Variants in TRMT6 observed in about 807,000 individuals in gnomAD.
TRMT6 encodes tRNA methyltransferase 6 non-catalytic subunit.
Under a neutral mutation model 59.0 loss-of-function variants are expected in TRMT6, and 34 were observed. That is an observed-to-expected ratio of 0.58 (90% CI 0.44 to 0.77). The LOEUF is 0.77. Among genes scored for constraint, TRMT6 ranks in the 30% least tolerant of loss-of-function variants. The probability of loss-of-function intolerance (pLI) is 0.00; values close to 1 mark genes in which losing one functional copy is unlikely to be tolerated. For missense variants in TRMT6, 575 were observed against 604.5 expected (o/e 0.95, Z 0.51); for synonymous variants, 217 against 210.5 (o/e 1.03, Z -0.27).
intron 10 of TRMT6, 121 bp from the exon 11 acceptor site, chr20:5,938,847 T>G (rs2088631290): frequency 1.1e-6 from 1 of 888,754 alleles, no homozygotes; most frequent in South Asian, 2.2e-5. Context: ...AAATGGACAT[T>G]TTTTTTTCTT....
chr20:5,942,868 G>T, intron 6 of TRMT6, 82 bp from the exon 7 acceptor site: 1 of 1,014,458 alleles, frequency 9.9e-7, no homozygotes, highest in Non-Finnish European at 1.5e-6. Flanking sequence ...CCACAGTAAT[G>T]AGACTGAAGG....
chr20:5,943,165 G>A (rs1009801159), intron 6 of TRMT6, among the ~76,000 whole-genome samples: 16 of 144,132 alleles, frequency 1.1e-4, no homozygotes, highest in African/African-American at 4.3e-4. Flanking sequence ...GACAAATCAG[G>A]CTGTGTTGTA....
intron 10 of TRMT6, among the ~76,000 whole-genome samples, chr20:5,939,231 C>G (rs1025167595): frequency 1.3e-5 from 2 of 151,984 alleles, no homozygotes; most frequent in Non-Finnish European, 2.9e-5. Flanking sequence ...GCCTGTAATC[C>G]CAGCACTTTG....
chr20:5,944,775 A>G (rs368159008), intron 3 of TRMT6, 30 bp downstream of exon 3: 517 of 1,580,470 alleles, frequency 3.3e-4, no homozygotes, highest in Non-Finnish European at 4.3e-4. Flanking sequence ...AAACAGACAA[A>G]AACAAAACTA....
In TRMT6 at chr20:5,950,384, G is replaced by T; in HGVS notation, c.22C>A (p.Pro8Thr). The T allele has an allele frequency of 6.2e-7, 1 of 1,605,606 alleles. No homozygotes were observed. The highest frequency in any genetic ancestry group is 8.5e-7 in the Non-Finnish European group (1 of 1,179,630). The change falls in exon 1 of 11, where the codon CCG (proline) becomes ACG (threonine). Residue 8 changes from proline (P) to threonine (T), a missense_variant. By Grantham distance (38) the Pro-to-Thr change is conservative (BLOSUM62 -1). Transcript: ENST00000203001. MEGSGEQ[P>T]GPQPQHPGDH... ...CCGGGATGCTGTGGTTGTGGGCCCG[G>T]CTGCTCCCCTGAGCCCTCCATGACG... is the stretch of plus-strand genomic sequence containing the variant.
chr20:5,938,371 G>T lies in TRMT6; in HGVS notation c.*164C>A. On this transcript the variant is annotated 3_prime_UTR_variant, in exon 11 of 11. Transcript: ENST00000203001. ...CAGTTTTGACAGACCAAATGCATCT[G>T]TGTCAGAAATAGACAAAAGGCATAT... The T allele has an allele frequency of 1.4e-6, 1 of 706,570 alleles. No homozygotes were observed. 43.8% of individuals were successfully genotyped at this position (706,570 alleles called of 1,614,324 possible).
rs781196377 is a variant in TRMT6, at chr20:5,944,810, C to T, written c.361G>A (p.Gly121Arg). 1 of 1,610,588 alleles carries T rather than the reference C, an allele frequency of 6.2e-7. No homozygotes were observed. The highest frequency in any genetic ancestry group is 1.1e-5 in the South Asian group (1 of 90,956). ...IKALKDKGIK[G>R]EEIVQQLIEN... is the part of the protein sequence containing the mutation. Reference sequence around the variant, plus strand: ...AAAAATCCTTTGAATATTACCTCTCCTTTAATGCCCTTGTCCTTCAAAGCT... The same window carrying T: ...AAAAATCCTTTGAATATTACCTCTCTTTTAATGCCCTTGTCCTTCAAAGCT... Residue 121 changes from glycine to arginine, a missense_variant, in exon 3 of 11, where the codon GGA becomes AGA. Coordinates refer to ENST00000203001, the MANE Select transcript of TRMT6 (RefSeq NM_015939.5).
At chr20:5,946,651 T>C in intron 1 of TRMT6, 118 bp from the exon 2 acceptor site, 1 of 911,236 alleles carries the variant, frequency 1.1e-6, no homozygotes, top group South Asian at 1.7e-5. Flanking sequence ...CAGCATTATC[T>C]CTGAACATAA....
Position 5,950,508 on chromosome 20 carries a change from C to T in TRMT6, c.-103G>A, listed in dbSNP as rs1315848214. The T allele has an allele frequency of 3.8e-6, 5 of 1,304,128 alleles. No homozygotes were observed. Among genetic ancestry groups the T allele is most frequent in the African/African-American group, 1.5e-5 (1 of 66,150 alleles). The allele number at this position is 1,304,128 out of a possible 1,614,324, so 80.8% of individuals were successfully genotyped here. On this transcript the variant is annotated 5_prime_UTR_variant, in exon 1 of 11. Transcript: ENST00000203001. ...ACAACCTGGCGCACTAGGAGCCCTC[C>T]GACCGGCACCGCCCCCACGTGTTGC...
At position 5,938,658 on chromosome 20, in the gene TRMT6, G is replaced by A. The variant is rs772762572; in HGVS notation, c.1371C>T (p.Phe457=). ...SGGGGYLLSG[F]TVAMDNLKAD... Reference sequence around the variant, plus strand: ...CTTTAAGGTTGTCCATGGCAACGGTGAAGCCGGAGAGAAGATAACCCCCAC... The same window carrying A: ...CTTTAAGGTTGTCCATGGCAACGGTAAAGCCGGAGAGAAGATAACCCCCAC... Residue 457 remains phenylalanine, a synonymous_variant, in exon 11 of 11, where the codon TTC becomes TTT. Coordinates refer to ENST00000203001, the MANE Select transcript of TRMT6 (RefSeq NM_015939.5). 1.2e-6 allele frequency: 2 copies of A among 1,614,248 alleles called. No homozygotes were observed. The highest frequency in any genetic ancestry group is 8.5e-7 in the Non-Finnish European group (1 of 1,180,042).
intron 1 of TRMT6, among the ~76,000 whole-genome samples, chr20:5,946,946 T>C (rs533769564): frequency 2.0e-5 from 3 of 152,242 alleles, no homozygotes; most frequent in African/African-American, 7.2e-5. Context: ...TCCTATGACA[T>C]AGATTTTTTA....
In TRMT6 at chr20:5,942,448, T is replaced by G. The variant is rs1398171597; in HGVS notation, c.1006A>C (p.Arg336=). 8.7e-6 allele frequency: 14 copies of G among 1,614,058 alleles called. No homozygotes were observed. Among genetic ancestry groups the G allele is most frequent in the East Asian group, 2.2e-5 (1 of 44,886 alleles). Reference sequence around the variant, plus strand: ...CTTACATAATCTTTTTTGCTTCCTCTCTCTTTAGGCCCCTTATGTTCTGGA... The same window carrying G: ...CTTACATAATCTTTTTTGCTTCCTCGCTCTTTAGGCCCCTTATGTTCTGGA... The part of the protein sequence containing the change: ...QDPEHKGPKE[R]GSKKDYIQEK... Residue 336 remains arginine (R), a synonymous_variant, in exon 7 of 11, where the codon AGA becomes CGA. Coordinates refer to ENST00000203001, the MANE Select transcript of TRMT6 (RefSeq NM_015939.5).
rs236176 is a variant in TRMT6, at chr20:5,942,175, T to C, written c.1027-139A>G. The C allele has an allele frequency of 0.15, 125,063 of 810,896 alleles. 14,364 individuals carry two copies. The highest frequency in any genetic ancestry group is 0.48 in the African/African-American group (27,654 of 57,970). The allele number at this position is 810,896 out of a possible 1,614,324, so 50.2% of individuals were successfully genotyped here. On this transcript the variant is annotated intron_variant, in intron 7 of 10. Coordinates refer to ENST00000203001, the MANE Select transcript of TRMT6 (RefSeq NM_015939.5). ...TAGAAGCAGGTTGTTTATAAGGAAGTTGCAAATACACAAGAAAGCCTATAT... is the reference window on the plus strand; with the variant it reads ...TAGAAGCAGGTTGTTTATAAGGAAGCTGCAAATACACAAGAAAGCCTATAT...
chr20:5,943,846 T>C, intron 5 of TRMT6, 102 bp downstream of exon 5: 2 of 1,525,830 alleles, frequency 1.3e-6, no homozygotes, highest in Non-Finnish European at 1.8e-6. Flanking sequence ...GGTAGGAGGA[T>C]ACTTTATGCA....
intron 10 of TRMT6, among the ~76,000 whole-genome samples, chr20:5,939,165 A>T (rs867884164): frequency 6.6e-6 from 1 of 152,128 alleles, no homozygotes; most frequent in Non-Finnish European, 1.5e-5. Flanking sequence ...AAGTGTAGAA[A>T]TTGGTTTAAT....
intron 2 of TRMT6, among the ~76,000 whole-genome samples, chr20:5,945,602 T>C (rs1051952738): frequency 2.0e-5 from 3 of 152,230 alleles, no homozygotes; most frequent in Non-Finnish European, 4.4e-5. Flanking sequence ...TCTTATGAAC[T>C]GCTATAATTG....
In TRMT6 at chr20:5,938,670, A is replaced by C. The variant is rs1337971691; in HGVS notation, c.1359T>G (p.Leu453=). 1 of 1,614,112 alleles carries C rather than the reference A, an allele frequency of 6.2e-7. No individual in the cohort carries two copies. Among genetic ancestry groups the C allele is most frequent in the African/African-American group, 1.3e-5 (1 of 74,948 alleles). Residue 453 remains leucine (L), a synonymous_variant, in exon 11 of 11, where the codon CTT becomes CTG. Transcript: ENST00000203001. ...KLLMSGGGGY[L]LSGFTVAMDN... is the part of the protein sequence containing the mutation. ...CCATGGCAACGGTGAAGCCGGAGAG[A>C]AGATAACCCCCACCTCCACTCATCA...
chr20:5,944,571 T>G (rs2088688464), intron 3 of TRMT6, among the ~76,000 whole-genome samples: 1 of 152,238 alleles, frequency 6.6e-6, no homozygotes, highest in East Asian at 1.9e-4. Context: ...AATCCTGATA[T>G]GCACTGTTAT....
Position 5,944,896 on chromosome 20 carries a change from G to C in TRMT6, c.275C>G (p.Thr92Ser), listed in dbSNP as rs747394586. 3 of 1,613,382 alleles carry C rather than the reference G, an allele frequency of 1.9e-6. No individual in the cohort carries two copies. In the South Asian group the frequency reaches 3.3e-5, roughly 18 times the overall value. The change falls in exon 3 of 11, where the codon ACT (threonine) becomes AGT (serine). Residue 92 changes from threonine (T) to serine (S), a missense_variant. By Grantham distance (58) the Thr-to-Ser change is moderately conservative (BLOSUM62 1). Coordinates refer to ENST00000203001, the MANE Select transcript of TRMT6 (RefSeq NM_015939.5). ...EPTAETKEAG[T>S]DNRNIVDDGK... is the part of the protein sequence containing the mutation. The stretch of plus-strand genomic sequence containing the variant: ...ATCATCAACTATATTTCGATTATCA[G>C]TGCCCGCTTCTTTAGTCTCTAAGGA...
Sources: gnomAD v4.1 joint callset for allele counts (sites outside exome capture counted in the v4.1 genomes callset) on GRCh38, gnomAD v4.1.1 for gene constraint, MANE v1.5 for transcripts, NCBI Gene and HGNC (gene_info 2026-07-23, HGNC 2026-07-21) for gene names.